Variants in DBH observed in about 807,000 individuals in gnomAD.
DBH encodes the protein dopamine beta-hydroxylase (dopamine beta-monooxygenase).
Under a neutral mutation model 64.0 loss-of-function variants are expected in DBH, and 49 were observed. That is an observed-to-expected ratio of 0.77 (90% CI 0.61 to 0.97). DBH has a LOEUF of 0.97. Among genes scored for constraint, DBH ranks in the 50% least tolerant of loss-of-function variants. The pLI, the probability that DBH is intolerant of heterozygous loss-of-function variation, is 0.00. For missense variants in DBH, 828 were observed against 826.6 expected (o/e 1.00, Z -0.02); for synonymous variants, 343 against 347.1 (o/e 0.99, Z 0.13).
Position 133,644,258 on chromosome 9 carries a change from G to C in DBH, c.962G>C (p.Gly321Ala). The stretch of plus-strand genomic sequence containing the variant: ...GAGGAAGCCGGCCTTGCCTTCGGGG[G>C]TCCAGGGTCCTCCAGATATCTCCGC... ...YPEEAGLAFGGPGSSRYLRLE... is the reference protein window; with the variant it reads ...YPEEAGLAFGAPGSSRYLRLE... Residue 321 changes from glycine (G) to alanine (A), a missense_variant, in exon 5 of 12, where the codon GGT becomes GCT. Transcript: ENST00000393056. 1.2e-6 allele frequency: 2 copies of C among 1,614,202 alleles called. No homozygotes were observed. Among genetic ancestry groups the C allele is most frequent in the South Asian group, 2.2e-5 (2 of 91,076 alleles).
In DBH at chr9:133,642,268, T is replaced by A. The variant is rs759055409; in HGVS notation, c.548T>A (p.Ile183Asn). 5.3e-5 allele frequency: 86 copies of A among 1,613,876 alleles called. No homozygotes were observed. Among genetic ancestry groups the A allele is most frequent in the Non-Finnish European group, 7.0e-5 (83 of 1,180,024 alleles). Residue 183 changes from isoleucine (I) to asparagine (N), a missense_variant, in exon 3 of 12, where the codon ATC (isoleucine) becomes AAC (asparagine). Ile to Asn is a moderately radical substitution (Grantham distance 149). Transcript: ENST00000393056. ...GAGCCGTTCCGGTCACTGGAGGCCA[T>A]CAACGGCTCGGGCCTGCAGATGGGG... ...LEEPFRSLEA[I>N]NGSGLQMGLQ...
chr9:133,655,669 C>T (rs1310000748), intron 9 of DBH: 2 of 152,392 alleles, frequency 1.3e-5, no homozygotes, highest in African/African-American at 2.4e-5. Context: ...CAGATGAAAT[C>T]CCCAGGCCCA....
chr9:133,658,001 T>TA (rs35903448), intron 11 of DBH, among the ~76,000 whole-genome samples: 1 of 151,950 alleles, frequency 6.6e-6, no homozygotes, highest in Non-Finnish European at 1.5e-5. Flanking sequence ...AAGAGATAGC[T>TA]AAAAAATATC....
intron 6 of DBH, among the ~76,000 whole-genome samples, chr9:133,650,459 CTTTTCT>C (rs1226970499): frequency 6.7e-6 from 1 of 148,948 alleles, no homozygotes; most frequent in East Asian, 1.9e-4. Context: ...TCTTTCCTTT[CTTTTCT>C]TTTTCTTTCT....
chr9:133,658,887 C>A lies in DBH; in HGVS notation c.*440C>A, dbSNP rs1047736039. On this transcript the variant is annotated 3_prime_UTR_variant, in exon 12 of 12. Transcript: ENST00000393056. ...CGGTGTGCAGCGGGTGCGGGTGCCG[C>A]TTAAACATTTCCCTGCTGAGTGGCT... 3.2e-5 allele frequency: 5 copies of A among 154,522 alleles called. No individual in the cohort carries two copies. Among genetic ancestry groups the A allele is most frequent in the African/African-American group, 1.2e-4 (5 of 41,554 alleles). 9.6% of individuals were successfully genotyped at this position (154,522 alleles called of 1,614,324 possible).
intron 5 of DBH, among the ~76,000 whole-genome samples, chr9:133,647,225 G>A (rs1398343180): frequency 6.6e-6 from 1 of 152,202 alleles, no homozygotes; most frequent in African/African-American, 2.4e-5. Flanking sequence ...AAAAGTGGGG[G>A]CTGCTGGGAG....
chr9:133,640,728 G>A (rs1042487083), intron 2 of DBH, among the ~76,000 whole-genome samples: 2 of 152,254 alleles, frequency 1.3e-5, no homozygotes, highest in East Asian at 1.9e-4. Flanking sequence ...TGACCACACG[G>A]GAGGCCAGTG....
chr9:133,643,309 C>A lies in DBH; in HGVS notation c.745-104C>A. On this transcript the variant is annotated intron_variant, in intron 3 of 11. Transcript: ENST00000393056. This position sits in a 1 kb window ranked among gnomAD's most constrained non-coding sequence, Gnocchi z 5.3. ...TGCCCCTGAAATTGTCTGGATCATC[C>A]CTCCCATTTTACAGATGGGCATTCG... is the stretch of plus-strand genomic sequence containing the variant. 1 of 1,222,210 alleles carries A rather than the reference C, an allele frequency of 8.2e-7. No homozygotes were observed. Among genetic ancestry groups the A allele is most frequent in the South Asian group, 1.3e-5 (1 of 78,782 alleles). The allele number at this position is 1,222,210 out of a possible 1,614,324, so 75.7% of individuals were successfully genotyped here.
chr9:133,640,234 G>T (rs1354687259), intron 2 of DBH, among the ~76,000 whole-genome samples: 1 of 152,230 alleles, frequency 6.6e-6, no homozygotes, highest in Non-Finnish European at 1.5e-5. Flanking sequence ...CCAACACGTA[G>T]CTGACATGGT....
At chr9:133,645,057 C>T (rs188880491) in intron 5 of DBH, among the ~76,000 whole-genome samples, 7 of 152,208 alleles carry the variant, frequency 4.6e-5, no homozygotes, top group Non-Finnish European at 1.0e-4. Context: ...TTCATTTGTG[C>T]AAGGTGCAGA....
rs1266535717 is a variant in DBH at position 133,643,763 on chromosome 9, G to A, written c.921+174G>A. 2.0e-5 allele frequency among the ~76,000 whole-genome samples: 3 copies of A among 152,212 alleles called. No individual in the cohort carries two copies. Among genetic ancestry groups the A allele is most frequent in the African/African-American group, 7.2e-5 (3 of 41,460 alleles). On this transcript the variant is annotated intron_variant, in intron 4 of 11. Transcript: ENST00000393056. The surrounding 1 kb of genome is among the most constrained non-coding windows in gnomAD (Gnocchi z 5.3). ...TGGCCCCCTCGCCTCTGTGATGTCTGAAATGCTTCAAGCCTTTTTTTTATT... is the reference window on the plus strand; with the variant it reads ...TGGCCCCCTCGCCTCTGTGATGTCTAAAATGCTTCAAGCCTTTTTTTTATT...
At chr9:133,646,171 GTTGT>G (rs879801823) in intron 5 of DBH, among the ~76,000 whole-genome samples, 5 of 151,326 alleles carry the variant, frequency 3.3e-5, no homozygotes, top group South Asian at 2.1e-4. Flanking sequence ...TTTTTTCATT[GTTGT>G]TTGTTTTTTT....
Position 133,656,561 on chromosome 9 carries a change from C to T in DBH, c.1473C>T (p.Tyr491=), listed in dbSNP as rs768574086. ...FGILEEMCVN[Y]VHYYPQTQLE... is the part of the protein sequence containing the mutation. ...TCCTGGAGGAGATGTGTGTCAACTA[C>T]GTGCACTACTACCCCCAGACGCAGC... The change falls in exon 10 of 12, where the codon TAC becomes TAT. Residue 491 remains tyrosine, a synonymous_variant. Transcript: ENST00000393056. 4.2e-5 allele frequency: 68 copies of T among 1,613,838 alleles called. No homozygotes were observed. Among genetic ancestry groups the T allele is most frequent in the Admixed American group, 5.0e-5 (3 of 60,000 alleles).
chr9:133,657,679 C>T (rs928846518), intron 11 of DBH, among the ~76,000 whole-genome samples: 2 of 151,420 alleles, frequency 1.3e-5, no homozygotes, highest in Admixed American at 1.3e-4. Flanking sequence ...AAGAAACGAA[C>T]CAGTCTGAAG....
chr9:133,641,333 T>C (rs954084934), intron 2 of DBH, among the ~76,000 whole-genome samples: 4 of 152,146 alleles, frequency 2.6e-5, no homozygotes, highest in African/African-American at 7.2e-5. Context: ...GTTGAGCCCT[T>C]ACCCTGCTTC....
chr9:133,643,325 TG>T lies in DBH; in HGVS notation c.745-85del. ...TGGATCATCCCTCCCATTTTACAGA[TG>T]GGCATTCGGAAGCCCATGGAGGAGG... On this transcript the variant is annotated intron_variant, in intron 3 of 11. Transcript: ENST00000393056. This position sits in a 1 kb window ranked among gnomAD's most constrained non-coding sequence, Gnocchi z 5.3. 7.4e-7 allele frequency: 1 copy of T among 1,342,808 alleles called. No individual in the cohort carries two copies. The highest frequency in any genetic ancestry group is 1.0e-6 in the Non-Finnish European group (1 of 962,394). The allele number at this position is 1,342,808 out of a possible 1,614,324, so 83.2% of individuals were successfully genotyped here.
At chr9:133,650,524 C>T in intron 6 of DBH, among the ~76,000 whole-genome samples, 1 of 135,674 alleles carries the variant, frequency 7.4e-6, no homozygotes, top group African/African-American at 2.9e-5. Flanking sequence ...TTCCTTCCTT[C>T]CTTCTCTTTT....
chr9:133,647,982 T>C lies in DBH; in HGVS notation c.1161T>C (p.Thr387=). Reference sequence around the variant, plus strand: ...CACGGGAGACCGCCTTCATCCTCACTGGCTACTGCACGGACAAGTGCACCC... The same window carrying C: ...CACGGGAGACCGCCTTCATCCTCACCGGCTACTGCACGGACAAGTGCACCC... ...IPPRETAFIL[T]GYCTDKCTQL... Residue 387 remains threonine, a synonymous_variant, in exon 6 of 12, where the codon ACT becomes ACC. Coordinates refer to ENST00000393056, the MANE Select transcript of DBH (RefSeq NM_000787.4). 1.2e-6 allele frequency: 2 copies of C among 1,613,586 alleles called. No homozygotes were observed. The highest frequency in any genetic ancestry group is 1.3e-5 in the African/African-American group (1 of 75,068).
chr9:133,639,721 T>C lies in DBH; in HGVS notation c.340-125T>C, dbSNP rs1832093667. ...GCAGAACCCTCAGATCCACAGGGAC[T>C]GAGGCCCAGCATCCCCAGATCAGCT... On this transcript the variant is annotated intron_variant, in intron 1 of 11. Coordinates refer to ENST00000393056, the MANE Select transcript of DBH (RefSeq NM_000787.4). 4 of 1,048,226 alleles carry C rather than the reference T, an allele frequency of 3.8e-6. No homozygotes were observed. The South Asian group carries it at 4.1e-5, about 11-fold the overall frequency. The allele number at this position is 1,048,226 out of a possible 1,614,324, so 64.9% of individuals were successfully genotyped here. A position where few individuals can be genotyped will look rare whatever the true frequency, so the allele number is the denominator to read the frequency against.
Sources: gnomAD v4.1 joint callset for allele counts (sites outside exome capture counted in the v4.1 genomes callset) on GRCh38, gnomAD v4.1.1 for gene constraint, Gnocchi (gnomAD v3.1) non-coding constraint, MANE v1.5 for transcripts, NCBI Gene and HGNC (gene_info 2026-07-23, HGNC 2026-07-21) for gene names.